The following ATRNL1 variants were observed in gnomAD, a reference collection of about 807,000 sequenced individuals.
ATRNL1 encodes attractin like 1, also known as attractin-like protein 1.
Under a neutral mutation model 182.7 loss-of-function variants are expected in ATRNL1, and 95 were observed. That is an observed-to-expected ratio of 0.52 (90% CI 0.44 to 0.62). The LOEUF is 0.62. Among genes scored for constraint, ATRNL1 ranks in the 20% least tolerant of loss-of-function variants. The pLI is 0.00. For missense variants in ATRNL1, 1,471 were observed against 1,679.5 expected (o/e 0.88, Z 2.17); for synonymous variants, 576 against 568.3 (o/e 1.01, Z -0.19).
intron 26 of ATRNL1, among the ~76,000 whole-genome samples, chr10:115,600,001 C>G (rs1376499721): frequency 6.6e-6 from 1 of 152,070 alleles, no homozygotes; most frequent in African/African-American, 2.4e-5. Context: ...ATCTCCACCC[C>G]AGGCAACCAT....
chr10:115,322,227 C>CATATAT lies in ATRNL1; in HGVS notation c.3037+6492_3037+6493insTATATA, dbSNP rs1554931723. On this transcript the variant is annotated intron_variant, in intron 18 of 28. Transcript: ENST00000355044. ...ACATCTATATATGTTGTGGACCCAACAGTACTTTAATAAAATTATTACTTT... is the reference window on the plus strand; with the variant it reads ...ACATCTATATATGTTGTGGACCCAACATATATAGTACTTTAATAAAATTATTACTTT... Among the ~76,000 whole-genome samples, 3 of 151,792 alleles carry CATATAT rather than the reference C, an allele frequency of 2.0e-5. 1 individual carries two copies. The highest frequency in any genetic ancestry group is 4.4e-5 in the Non-Finnish European group (3 of 67,904).
At chr10:115,653,292 G>A (rs1435767408) in intron 26 of ATRNL1, among the ~76,000 whole-genome samples, 3 of 152,118 alleles carry the variant, frequency 2.0e-5, no homozygotes, top group Admixed American at 2.0e-4. Flanking sequence ...TTGGTCATGA[G>A]TGCCTCTTTG....
intron 24 of ATRNL1, among the ~76,000 whole-genome samples, chr10:115,478,690 T>C (rs1449981623): frequency 6.6e-6 from 1 of 151,666 alleles, no homozygotes; most frequent in Non-Finnish European, 1.5e-5. Flanking sequence ...CTTTAACATA[T>C]ATTGTATTAA....
At chr10:115,096,577 A>G (rs1431775794) in intron 1 of ATRNL1, 6 of 873,716 alleles carry the variant, frequency 6.9e-6, no homozygotes, top group Non-Finnish European at 9.8e-6. Flanking sequence ...TGATTGATCA[A>G]TCTTGGTAAG....
chr10:115,363,964 C>T (rs568582239), intron 19 of ATRNL1, among the ~76,000 whole-genome samples: 85 of 152,122 alleles, frequency 5.6e-4, no homozygotes, highest in African/African-American at 1.9e-3. Flanking sequence ...ATGCCTCCAG[C>T]TTTATTCTTT....
chr10:115,513,144 T>C (rs559097347), intron 24 of ATRNL1, among the ~76,000 whole-genome samples: 30 of 151,928 alleles, frequency 2.0e-4, no homozygotes, highest in Non-Finnish European at 2.8e-4. Context: ...AGCCAAAAGA[T>C]TGGGCACCCC....
At chr10:115,764,129 C>A (rs1036702383) in intron 27 of ATRNL1, among the ~76,000 whole-genome samples, 23 of 152,134 alleles carry the variant, frequency 1.5e-4, no homozygotes, top group African/African-American at 5.1e-4. Flanking sequence ...GGAACAACTA[C>A]GTTTTTAAAA....
At chr10:115,226,861 A>G (rs1327810072) in intron 9 of ATRNL1, among the ~76,000 whole-genome samples, 1 of 152,206 alleles carries the variant, frequency 6.6e-6, no homozygotes, top group African/African-American at 2.4e-5. Flanking sequence ...GATGCTGGAT[A>G]ACTGGCTAGC....
At position 115,188,195 on chromosome 10, in the gene ATRNL1, T is replaced by A. The variant is rs141297046; in HGVS notation, c.1348+16903T>A. Among the ~76,000 whole-genome samples, 282 of 152,226 alleles carry A rather than the reference T, an allele frequency of 1.9e-3. 1 individual carries two copies. The highest frequency in any genetic ancestry group is 6.4e-3 in the African/African-American group (268 of 41,554). On this transcript the variant is annotated intron_variant, in intron 8 of 28. Transcript: ENST00000355044. Reference sequence around the variant, plus strand: ...CAGGTATATGTGTATGGGGAGTTCTTTGGCTATTGCACTTTTGAAATTATT... The same window carrying A: ...CAGGTATATGTGTATGGGGAGTTCTATGGCTATTGCACTTTTGAAATTATT...
chr10:115,642,074 T>C (rs1209743632), intron 26 of ATRNL1, among the ~76,000 whole-genome samples: 2 of 152,094 alleles, frequency 1.3e-5, no homozygotes, highest in Non-Finnish European at 2.9e-5. Flanking sequence ...ATTTTAGTAT[T>C]ATAATGTTAC....
At chr10:115,620,636 G>C (rs1857680425) in intron 26 of ATRNL1, among the ~76,000 whole-genome samples, 1 of 152,108 alleles carries the variant, frequency 6.6e-6, no homozygotes, top group Admixed American at 6.5e-5. Context: ...GAACTAAAAG[G>C]CATTTGGATA....
Position 115,469,312 on chromosome 10 carries a change from T to C in ATRNL1, c.3637T>C (p.Trp1213Arg). Residue 1213 changes from tryptophan to arginine, a missense_variant, in exon 24 of 29, where the codon TGG becomes CGG. Physicochemically the swap from Trp to Arg is moderately radical, Grantham distance 101. Around this residue, in one of 3 missense-constraint regions of ATRNL1, gnomAD observed 437 missense variants for 506.0 expected, o/e 0.86. Coordinates refer to ENST00000355044, the MANE Select transcript of ATRNL1 (RefSeq NM_207303.4). The stretch of plus-strand genomic sequence containing the variant: ...CTATGTGTACGTCAGCAACTTTTCC[T>C]GGCCTATTAAAATACAGGTAAGTGT... ...TFYVYVSNFS[W>R]PIKIQIAFSQ... 1 of 1,528,370 alleles carries C rather than the reference T, an allele frequency of 6.5e-7. No homozygotes were observed. The highest frequency in any genetic ancestry group is 2.3e-5 in the Admixed American group (1 of 42,662). The allele number at this position is 1,528,370 out of a possible 1,614,324, so 94.7% of individuals were successfully genotyped here.
chr10:115,324,092 T>G (rs1333861532), intron 18 of ATRNL1, among the ~76,000 whole-genome samples: 1 of 152,186 alleles, frequency 6.6e-6, no homozygotes, highest in African/African-American at 2.4e-5. Context: ...TTATCTTTTA[T>G]GTGTATTCTT....
intron 27 of ATRNL1, among the ~76,000 whole-genome samples, chr10:115,827,118 C>T (rs574722378): frequency 6.6e-6 from 1 of 152,314 alleles, no homozygotes; most frequent in South Asian, 2.1e-4. Context: ...CCGTCTTGTG[C>T]TGTGTGACAG....
intron 5 of ATRNL1, among the ~76,000 whole-genome samples, chr10:115,143,983 CT>C (rs58145958): frequency 0.019 from 2,617 of 139,408 alleles, 53 homozygotes; most frequent in African/African-American, 0.054. Flanking sequence ...TTTTTTGTTT[CT>C]TTTTTTTTTT....
chr10:115,280,267 C>G (rs1852299164), intron 13 of ATRNL1, among the ~76,000 whole-genome samples: 1 of 152,246 alleles, frequency 6.6e-6, no homozygotes, highest in South Asian at 2.1e-4. Flanking sequence ...CAGAGAATCT[C>G]TAAGATCATT....
intron 28 of ATRNL1, among the ~76,000 whole-genome samples, chr10:115,942,198 A>T (rs542425767): frequency 3.3e-5 from 5 of 152,314 alleles, no homozygotes; most frequent in African/African-American, 1.2e-4. Flanking sequence ...CCATGCATCC[A>T]CATAAATTCC....
At chr10:115,665,986 T>C (rs1480070078) in intron 26 of ATRNL1, among the ~76,000 whole-genome samples, 1 of 152,130 alleles carries the variant, frequency 6.6e-6, no homozygotes, top group Non-Finnish European at 1.5e-5. Flanking sequence ...TTTGCTTAGG[T>C]TTCAGGGTGA....
At chr10:115,695,588 T>C (rs1449413383) in intron 26 of ATRNL1, among the ~76,000 whole-genome samples, 1 of 152,128 alleles carries the variant, frequency 6.6e-6, no homozygotes, top group East Asian at 1.9e-4. Context: ...ATTCATGATG[T>C]TGATAACCTT....
Sources: gnomAD v4.1 joint callset for allele counts (sites outside exome capture counted in the v4.1 genomes callset) on GRCh38, gnomAD v4.1.1 for gene constraint, gnomAD v4.1.1 regional missense constraint, MANE v1.5 for transcripts, NCBI Gene and HGNC (gene_info 2026-07-23, HGNC 2026-07-21) for gene names.